ADAMTSL1: variants seen among roughly 807,000 people sequenced by gnomAD.
The protein encoded by ADAMTSL1 is ADAMTS like 1.
In ADAMTSL1, 126 loss-of-function variants were observed where a neutral mutation model predicts 201.8. The observed-to-expected ratio is 0.62, with a 90% CI of 0.54 to 0.72. The LOEUF (loss-of-function observed/expected upper bound fraction) is 0.72, where lower values mean the gene tolerates loss of function less well. ADAMTSL1 is among the 30% of genes least tolerant of loss of function. The pLI is 0.00. For synonymous variants in ADAMTSL1, 1,121 were observed against 903.4 expected (o/e 1.24, Z -4.32); for missense variants, 2,679 against 2,277.8 (o/e 1.18, Z -3.59).
intron 21 of ADAMTSL1, among the ~76,000 whole-genome samples, chr9:18,823,019 A>G (rs552848544): frequency 6.6e-6 from 1 of 152,300 alleles, no homozygotes; most frequent in South Asian, 2.1e-4. Context: ...TCCTCATTCT[A>G]CATGCGTAAT....
At chr9:18,119,556 G>T (rs1825409865) in intron 1 of ADAMTSL1, among the ~76,000 whole-genome samples, 2 of 152,082 alleles carry the variant, frequency 1.3e-5, no homozygotes, top group Non-Finnish European at 1.5e-5. Flanking sequence ...GCCCAGCTTG[G>T]CCTCCCAAAG....
At chr9:18,680,578 A>G in intron 11 of ADAMTSL1, 62 bp downstream of exon 11, 1 of 1,575,844 alleles carries the variant, frequency 6.3e-7, no homozygotes, top group Non-Finnish European at 8.7e-7. Context: ...TCTCATCATC[A>G]TGGCCCCACC....
intron 1 of ADAMTSL1, among the ~76,000 whole-genome samples, chr9:18,134,935 G>A (rs1016974638): frequency 3.3e-5 from 5 of 152,134 alleles, no homozygotes; most frequent in Admixed American, 6.6e-5. Flanking sequence ...AAGGGAGTCA[G>A]TGTCATTAGA....
At chr9:18,691,175 T>G (rs1279192600) in intron 13 of ADAMTSL1, among the ~76,000 whole-genome samples, 1 of 152,222 alleles carries the variant, frequency 6.6e-6, no homozygotes, top group Admixed American at 6.5e-5. Context: ...GGAGACTTAT[T>G]TATTGAATTC....
intron 2 of ADAMTSL1, among the ~76,000 whole-genome samples, chr9:18,435,468 C>A (rs1676991735): frequency 6.6e-6 from 1 of 152,132 alleles, no homozygotes; most frequent in Admixed American, 6.5e-5. Context: ...CAACACTGAT[C>A]TGTGTTATGA....
chr9:18,688,779 G>A (rs929005387), intron 13 of ADAMTSL1, among the ~76,000 whole-genome samples: 1 of 137,872 alleles, frequency 7.3e-6, no homozygotes, highest in African/African-American at 2.7e-5. Context: ...TTTACCCAGT[G>A]CCTATTTGAG....
At chr9:18,496,762 A>C (rs796784571) in intron 1 of ADAMTSL1, among the ~76,000 whole-genome samples, 10 of 152,334 alleles carry the variant, frequency 6.6e-5, no homozygotes, top group African/African-American at 2.2e-4. Flanking sequence ...TGCTTTCCAG[A>C]GCCTCAGATG....
intron 9 of ADAMTSL1, among the ~76,000 whole-genome samples, chr9:18,667,850 C>A (rs528093513): frequency 8.5e-5 from 13 of 152,176 alleles, no homozygotes; most frequent in Admixed American, 2.0e-4. Context: ...AACTGTAAGT[C>A]CTAGGAAAAT....
intron 23 of ADAMTSL1, among the ~76,000 whole-genome samples, chr9:18,830,342 A>T (rs1388210385): frequency 6.6e-6 from 1 of 151,910 alleles, no homozygotes; most frequent in African/African-American, 2.4e-5. Flanking sequence ...ATTCCCCAGT[A>T]CTCCTCCATG....
At chr9:18,687,683 G>C (rs563039471) in intron 13 of ADAMTSL1, among the ~76,000 whole-genome samples, 1 of 152,212 alleles carries the variant, frequency 6.6e-6, no homozygotes, top group Non-Finnish European at 1.5e-5. Flanking sequence ...TTCGATGTTA[G>C]ATACTTTTAG....
At chr9:18,493,934 T>C (rs182062320) in intron 1 of ADAMTSL1, among the ~76,000 whole-genome samples, 70 of 152,368 alleles carry the variant, frequency 4.6e-4, no homozygotes, top group African/African-American at 1.6e-3. Flanking sequence ...CAGAGGCATA[T>C]TCATCTTTGT....
At chr9:18,170,043 A>G (rs562248339) in intron 2 of ADAMTSL1, among the ~76,000 whole-genome samples, 1 of 152,148 alleles carries the variant, frequency 6.6e-6, no homozygotes, top group East Asian at 1.9e-4. Flanking sequence ...TATTACAAAG[A>G]AAAAATCAGA....
chr9:17,958,075 G>A (rs191093126), intron 1 of ADAMTSL1, among the ~76,000 whole-genome samples: 1 of 152,212 alleles, frequency 6.6e-6, no homozygotes, highest in Admixed American at 6.5e-5. Context: ...TTCTCCACAT[G>A]CTTTTCCTTC....
chr9:18,369,627 G>A (rs1193996634), intron 2 of ADAMTSL1, among the ~76,000 whole-genome samples: 2 of 152,108 alleles, frequency 1.3e-5, no homozygotes, highest in African/African-American at 4.8e-5. Context: ...CTACTACTGT[G>A]TATCTACTCA....
chr9:18,087,253 T>A (rs73645714), intron 1 of ADAMTSL1, among the ~76,000 whole-genome samples: 113 of 152,290 alleles, frequency 7.4e-4, no homozygotes, highest in African/African-American at 2.7e-3. Flanking sequence ...TACTTGCATC[T>A]CAAAGAGCCG....
intron 4 of ADAMTSL1, among the ~76,000 whole-genome samples, chr9:18,584,368 C>CA (rs1459972842): frequency 3.7e-5 from 3 of 81,988 alleles, no homozygotes; most frequent in Non-Finnish European, 8.4e-5. Context: ...GATTGTGAGG[C>CA]CCCCCCCAGC....
intron 2 of ADAMTSL1, among the ~76,000 whole-genome samples, chr9:18,309,782 C>T (rs968876576): frequency 6.6e-6 from 1 of 151,914 alleles, no homozygotes; most frequent in Non-Finnish European, 1.5e-5. Context: ...AGATTCAATG[C>T]TATCCCCATC....
chr9:18,453,361 A>G (rs1466454050), intron 2 of ADAMTSL1, among the ~76,000 whole-genome samples: 1 of 152,100 alleles, frequency 6.6e-6, no homozygotes, highest in Non-Finnish European at 1.5e-5. Context: ...GCAGCCATGA[A>G]GCTCTGAAAT....
intron 22 of ADAMTSL1, among the ~76,000 whole-genome samples, chr9:18,829,162 C>A (rs79289244): frequency 6.6e-6 from 1 of 152,166 alleles, no homozygotes; most frequent in Non-Finnish European, 1.5e-5. Context: ...ATATATTTCC[C>A]ATTTTAGTCA....
Sources: gnomAD v4.1 joint callset for allele counts (sites outside exome capture counted in the v4.1 genomes callset) on GRCh38, gnomAD v4.1.1 for gene constraint, MANE v1.5 for transcripts, NCBI Gene and HGNC (gene_info 2026-07-23, HGNC 2026-07-21) for gene names.